ADAM12: variants seen among roughly 807,000 people sequenced by gnomAD.
ADAM12 encodes the protein ADAM metallopeptidase domain 12.
Under a neutral mutation model 106.4 loss-of-function variants are expected in ADAM12, and 70 were observed. The ratio of observed to expected loss-of-function variants is 0.66; its 90% confidence interval spans 0.54 to 0.80. ADAM12 has a LOEUF of 0.80. ADAM12 is among the 30% of genes least tolerant of loss of function. ADAM12 has a pLI of 0.00. For synonymous variants in ADAM12, 420 were observed against 433.5 expected (o/e 0.97, Z 0.39); for missense variants, 1,010 against 1,171.9 (o/e 0.86, Z 2.02).
intron 3 of ADAM12, among the ~76,000 whole-genome samples, chr10:126,212,737 A>G (rs1229154409): frequency 2.6e-5 from 4 of 152,170 alleles, no homozygotes; most frequent in Admixed American, 2.0e-4. Flanking sequence ...AGCAGCTTTG[A>G]TTATGGAGAG....
intron 11 of ADAM12, among the ~76,000 whole-genome samples, chr10:126,086,680 AATATATATAT>A (rs1210379675): frequency 1.6e-3 from 39 of 24,266 alleles, no homozygotes; most frequent in African/African-American, 8.8e-3. Context: ...AAAAAAAAAA[AATATATATAT>A]ATATATATAT....
At chr10:126,354,144 G>A (rs1855460090) in intron 1 of ADAM12, among the ~76,000 whole-genome samples, 2 of 150,918 alleles carry the variant, frequency 1.3e-5, no homozygotes, top group South Asian at 4.2e-4. Context: ...CTGGTTTGGT[G>A]TCTATCTTTG....
At chr10:126,110,008 TTTGTAA>T in intron 6 of ADAM12, among the ~76,000 whole-genome samples, 168 bp from the exon 7 acceptor site, 1 of 152,176 alleles carries the variant, frequency 6.6e-6, no homozygotes, top group East Asian at 1.9e-4. Context: ...CAACCAACTC[TTTGTAA>T]AACCTTCTCA....
chr10:126,341,880 C>T (rs1854944317), intron 1 of ADAM12, among the ~76,000 whole-genome samples: 1 of 152,144 alleles, frequency 6.6e-6, no homozygotes, highest in South Asian at 2.1e-4. Context: ...CTCTTAAATG[C>T]CTTTTAACTC....
At chr10:126,381,211 G>A (rs1856479172) in intron 1 of ADAM12, among the ~76,000 whole-genome samples, 1 of 152,188 alleles carries the variant, frequency 6.6e-6, no homozygotes, top group African/African-American at 2.4e-5. Flanking sequence ...AATGACAAGT[G>A]AGAGAAAGAA....
chr10:126,023,331 C>T (rs1254671805), intron 21 of ADAM12, among the ~76,000 whole-genome samples: 1 of 151,950 alleles, frequency 6.6e-6, no homozygotes, highest in Non-Finnish European at 1.5e-5. Flanking sequence ...TTGTGCCCTA[C>T]CCCTTCTCTG....
intron 3 of ADAM12, among the ~76,000 whole-genome samples, chr10:126,239,763 G>A (rs1361426638): frequency 6.6e-6 from 1 of 152,196 alleles, no homozygotes; most frequent in Non-Finnish European, 1.5e-5. Context: ...GGTTGAAAGA[G>A]AACCATTCAC....
At chr10:126,323,846 GT>G (rs1286789513) in intron 2 of ADAM12, among the ~76,000 whole-genome samples, 8 of 152,182 alleles carry the variant, frequency 5.3e-5, no homozygotes, top group Admixed American at 5.2e-4. Flanking sequence ...TTTTATACAG[GT>G]TCAGCATTTC....
At chr10:126,231,582 T>A (rs991912647) in intron 3 of ADAM12, among the ~76,000 whole-genome samples, 1 of 152,292 alleles carries the variant, frequency 6.6e-6, no homozygotes, top group Middle Eastern at 3.4e-3. Flanking sequence ...GGCGCAGGAC[T>A]CCTGTCTCTA....
chr10:126,345,013 A>C (rs1429704037), intron 1 of ADAM12, among the ~76,000 whole-genome samples: 1 of 152,064 alleles, frequency 6.6e-6, no homozygotes, highest in Non-Finnish European at 1.5e-5. Context: ...AATACCCTTT[A>C]TTTCTTTCTC....
chr10:126,122,225 C>A (rs1198265254), intron 5 of ADAM12, among the ~76,000 whole-genome samples: 1 of 152,120 alleles, frequency 6.6e-6, no homozygotes, highest in African/African-American at 2.4e-5. Context: ...CTAAGTCATC[C>A]AAAGTCCAGA....
At chr10:126,318,542 ACACT>A (rs1364659652) in intron 2 of ADAM12, among the ~76,000 whole-genome samples, 2 of 151,834 alleles carry the variant, frequency 1.3e-5, no homozygotes, top group Non-Finnish European at 2.9e-5. Flanking sequence ...ACTTTCACAC[ACACT>A]CAAACTCACA....
chr10:126,382,206 A>G (rs1232661653), intron 1 of ADAM12, among the ~76,000 whole-genome samples: 2 of 152,134 alleles, frequency 1.3e-5, no homozygotes, highest in Admixed American at 6.5e-5. Flanking sequence ...GCCAAGGCCA[A>G]TACAGGCTGA....
At chr10:126,326,524 C>T (rs1460285968) in intron 2 of ADAM12, among the ~76,000 whole-genome samples, 1 of 152,190 alleles carries the variant, frequency 6.6e-6, no homozygotes, top group Non-Finnish European at 1.5e-5. Context: ...GTCTCCAGTC[C>T]AATCGCTTCT....
chr10:126,098,645 C>CT (rs1479030992), intron 9 of ADAM12, 145 bp from the exon 10 acceptor site: 6 of 656,622 alleles, frequency 9.1e-6, no homozygotes, highest in Non-Finnish European at 1.3e-5. Flanking sequence ...GTGATTTTAT[C>CT]TTTTTTCCCT....
At position 126,112,380 on chromosome 10, in the gene ADAM12, A is replaced by AT. The variant is rs1955886640; in HGVS notation, c.604-2541dup. Reference sequence around the variant, plus strand: ...GAAATTAAAATAATAATTTTAAAAAATTTAAAAAAAGAAACTGGTTGCTCT... The same window carrying AT: ...GAAATTAAAATAATAATTTTAAAAAATTTTAAAAAAAGAAACTGGTTGCTCT... On this transcript the variant is annotated intron_variant, in intron 6 of 22. Coordinates refer to ENST00000448723, the MANE Select transcript of ADAM12 (RefSeq NM_001288973.2). 6.6e-5 allele frequency among the ~76,000 whole-genome samples: 10 copies of AT among 151,980 alleles called. No homozygotes were observed. The South Asian group carries it at 2.1e-3, about 32-fold the overall frequency.
At chr10:126,196,446 A>C (rs993912326) in intron 3 of ADAM12, among the ~76,000 whole-genome samples, 1 of 152,178 alleles carries the variant, frequency 6.6e-6, no homozygotes, top group Non-Finnish European at 1.5e-5. Context: ...ACAGATGCTC[A>C]CTATAGGTTT....
intron 3 of ADAM12, among the ~76,000 whole-genome samples, chr10:126,213,888 C>A (rs529344437): frequency 6.6e-6 from 1 of 152,298 alleles, no homozygotes; most frequent in South Asian, 2.1e-4. Flanking sequence ...ATAGCAAAAG[C>A]AAATTAAAGC....
In ADAM12 at chr10:126,015,688, G is replaced by A. The variant is rs1305176110; in HGVS notation, c.*1591C>T. 3 of 152,056 alleles carry A rather than the reference G, an allele frequency of 2.0e-5. No individual in the cohort carries two copies. The highest frequency in any genetic ancestry group is 7.2e-5 in the African/African-American group (3 of 41,390). The allele number at this position is 152,056 out of a possible 1,614,324, so 9.4% of individuals were successfully genotyped here. On this transcript the variant is annotated 3_prime_UTR_variant, in exon 23 of 23. Transcript: ENST00000448723. Reference sequence around the variant, plus strand: ...TTCTGGAAGGCAAACCAAGATTCTTGGTACATATTTTTCTGTTTCAAAGCA... The same window carrying A: ...TTCTGGAAGGCAAACCAAGATTCTTAGTACATATTTTTCTGTTTCAAAGCA...
Sources: gnomAD v4.1 joint callset for allele counts (sites outside exome capture counted in the v4.1 genomes callset) on GRCh38, gnomAD v4.1.1 for gene constraint, MANE v1.5 for transcripts, NCBI Gene and HGNC (gene_info 2026-07-23, HGNC 2026-07-21) for gene names.